The following NXPE2 variants were observed in gnomAD, a reference collection of about 807,000 sequenced individuals.
NXPE2 encodes the protein NXPE family member 2.
In NXPE2, 34 loss-of-function variants were observed where a neutral mutation model predicts 34.4. That is an observed-to-expected ratio of 0.99 (90% CI 0.75 to 1.31). The LOEUF (loss-of-function observed/expected upper bound fraction) is 1.31, where lower values mean the gene tolerates loss of function less well. Among genes scored for constraint, NXPE2 ranks in the 40% most tolerant of loss-of-function variants. The pLI, the probability that NXPE2 is intolerant of heterozygous loss-of-function variation, is 0.00. For synonymous variants in NXPE2, 235 were observed against 231.3 expected, an observed-to-expected ratio of 1.02 and a Z score of -0.15; for missense variants, 649 against 672.5, an observed-to-expected ratio of 0.97 and a Z score of 0.39.
chr11:114,583,588 G>A, the NXPE2 span: 3 of 595,410 alleles, frequency 5.0e-6, no homozygotes, highest in Non-Finnish European at 1.0e-5. Context: ...TCTGTCAGTT[G>A]TCTACTGGTG....
the NXPE2 span, among the ~76,000 whole-genome samples, chr11:114,574,941 C>T: frequency 5.5e-3 from 840 of 152,158 alleles, 9 homozygotes; most frequent in African/African-American, 0.02. Context: ...CTAAAATCCT[C>T]ACCAAAATAC....
chr11:114,570,885 A>G, the NXPE2 span: 29 of 1,287,970 alleles, frequency 2.3e-5, no homozygotes, highest in Non-Finnish European at 2.7e-5. Context: ...CTGCTAGTAG[A>G]CAGTCAATAA....
chr11:114,754,362 A>G, the NXPE2 span, among the ~76,000 whole-genome samples: 1 of 152,178 alleles, frequency 6.6e-6, no homozygotes, highest in South Asian at 2.1e-4. Flanking sequence ...AGTGTCATGG[A>G]GGCTATGGTA....
chr11:114,629,880 GACAA>G, the NXPE2 span, among the ~76,000 whole-genome samples: 2 of 150,082 alleles, frequency 1.3e-5, no homozygotes, highest in Admixed American at 6.7e-5. Flanking sequence ...ACCAACAACA[GACAA>G]ACAGAGAGCC....
the NXPE2 span, among the ~76,000 whole-genome samples, chr11:114,657,087 C>T: frequency 6.6e-6 from 1 of 152,146 alleles, no homozygotes; most frequent in Non-Finnish European, 1.5e-5. Flanking sequence ...GAGTGAGACT[C>T]CATCTCAAAA....
the NXPE2 span, among the ~76,000 whole-genome samples, chr11:114,782,462 A>G: frequency 1.1e-4 from 17 of 152,364 alleles, no homozygotes; most frequent in East Asian, 3.3e-3. Context: ...AGAACAGGTA[A>G]GTAAATAAGT....
the NXPE2 span, among the ~76,000 whole-genome samples, chr11:114,737,695 T>G: frequency 1.3e-5 from 2 of 152,144 alleles, no homozygotes. Context: ...AGTCTAGGGT[T>G]TGAGGGGTTC....
chr11:114,479,552 G>C, the NXPE2 span, among the ~76,000 whole-genome samples: 4 of 152,156 alleles, frequency 2.6e-5, no homozygotes, highest in Non-Finnish European at 1.5e-5. Flanking sequence ...GTCATTTCCT[G>C]AGATGGTGAA....
the NXPE2 span, among the ~76,000 whole-genome samples, chr11:114,800,238 G>A: frequency 3.9e-5 from 6 of 152,178 alleles, no homozygotes; most frequent in African/African-American, 1.4e-4. Flanking sequence ...GCTGACATTT[G>A]TCTCTGGGAA....
the NXPE2 span, among the ~76,000 whole-genome samples, chr11:114,628,165 T>C: frequency 5.6e-5 from 8 of 143,856 alleles, no homozygotes; most frequent in African/African-American, 1.4e-4. Context: ...CTGCACCAAG[T>C]GGACCTAATA....
At chr11:114,655,351 C>T in the NXPE2 span, among the ~76,000 whole-genome samples, 4 of 152,174 alleles carry the variant, frequency 2.6e-5, no homozygotes, top group African/African-American at 9.6e-5. Flanking sequence ...TGTCAATTTT[C>T]ACTTTTTTTG....
the NXPE2 span, among the ~76,000 whole-genome samples, chr11:114,663,274 A>G: frequency 6.6e-6 from 1 of 152,322 alleles, no homozygotes; most frequent in South Asian, 2.1e-4. Context: ...ACTCAGCCGC[A>G]GTACAGTAGA....
chr11:114,474,469 T>G, the NXPE2 span, among the ~76,000 whole-genome samples: 104 of 152,258 alleles, frequency 6.8e-4, no homozygotes, highest in African/African-American at 2.3e-3. Context: ...GAGGGTGGTG[T>G]TTAGAAGTCA....
chr11:114,778,679 A>G, the NXPE2 span, among the ~76,000 whole-genome samples: 1 of 152,166 alleles, frequency 6.6e-6, no homozygotes, highest in African/African-American at 2.4e-5. Context: ...GGAGGGAGGA[A>G]GGTGACTTGA....
chr11:114,587,278 G>A, the NXPE2 span, among the ~76,000 whole-genome samples: 8 of 152,126 alleles, frequency 5.3e-5, no homozygotes, highest in Admixed American at 1.3e-4. Context: ...TTCTTTTAAG[G>A]CACCTATTCT....
At chr11:114,486,906 G>A in the NXPE2 span, among the ~76,000 whole-genome samples, 4 of 152,240 alleles carry the variant, frequency 2.6e-5, no homozygotes, top group Admixed American at 6.5e-5. Flanking sequence ...TACGTCTGTA[G>A]TATAGCTTGA....
the NXPE2 span, among the ~76,000 whole-genome samples, chr11:114,758,593 T>C: frequency 6.6e-6 from 1 of 152,144 alleles, no homozygotes; most frequent in Non-Finnish European, 1.5e-5. Context: ...CTGTCACTGA[T>C]GAATGGTCAA....
At chr11:114,533,509 A>T in the NXPE2 span, among the ~76,000 whole-genome samples, 3 of 152,240 alleles carry the variant, frequency 2.0e-5, no homozygotes, top group African/African-American at 7.2e-5. Flanking sequence ...CGGGAAGCAC[A>T]AGCGGTCAGG....
At chr11:114,530,364 T>C in the NXPE2 span, 9 of 1,614,070 alleles carry the variant, frequency 5.6e-6, no homozygotes, top group Non-Finnish European at 7.6e-6. Context: ...AGTGAAGACA[T>C]GAGAGGTGCC....
Sources: allele counts gnomAD v4.1 joint callset (sites outside exome capture counted in the v4.1 genomes callset), GRCh38; gene constraint gnomAD v4.1.1; transcripts MANE v1.5; gene names NCBI Gene and HGNC (gene_info 2026-07-23, HGNC 2026-07-21).